Variants in CADPS2 observed in about 807,000 individuals in gnomAD.
CADPS2 encodes the protein calcium dependent secretion activator 2, also known as calcium-dependent secretion activator 2.
A neutral mutation model predicts 172.5 loss-of-function variants in CADPS2; 93 were observed. That is an observed-to-expected ratio of 0.54 (90% CI 0.46 to 0.64). CADPS2 has a LOEUF of 0.64. Ranked by LOEUF, CADPS2 falls within the 30% of genes least tolerant of loss-of-function variation. The pLI is 0.00. For synonymous variants in CADPS2, 546 were observed against 555.2 expected, an observed-to-expected ratio of 0.98 and a Z score of 0.23; for missense variants, 1,420 against 1,565.9, an observed-to-expected ratio of 0.91 and a Z score of 1.57.
intron 15 of CADPS2, among the ~76,000 whole-genome samples, chr7:122,445,982 C>CA (rs1223689613): frequency 3.9e-5 from 6 of 152,074 alleles, no homozygotes; most frequent in Admixed American, 6.6e-5. Flanking sequence ...TTTTCAGAAT[C>CA]AATGCACTAC....
rs192579570 is a variant in CADPS2 at position 122,805,288 on chromosome 7, T to C, written c.340-68220A>G. On this transcript the variant is annotated intron_variant, in intron 1 of 29. Coordinates refer to ENST00000449022, the MANE Select transcript of CADPS2 (RefSeq NM_017954.11). ...GATTCTCCTGCCTCAGCCTCCCTAG[T>C]AGCTGGGACTACAGGCACTTGCCAC... Among the ~76,000 whole-genome samples, 4 of 152,274 alleles carry C rather than the reference T, an allele frequency of 2.6e-5. No homozygotes were observed. The East Asian group carries it at 7.7e-4, about 29-fold the overall frequency.
At chr7:122,636,083 T>TTGAGACCA in intron 3 of CADPS2, among the ~76,000 whole-genome samples, 1 of 152,320 alleles carries the variant, frequency 6.6e-6, no homozygotes, top group East Asian at 1.9e-4. Context: ...AAGTGGGGTT[T>TTGAGACCA]TGAGACCATT....
At chr7:122,441,469 C>G in intron 16 of CADPS2, 43 bp downstream of exon 16, 3 of 1,334,354 alleles carry the variant, frequency 2.2e-6, no homozygotes, top group Non-Finnish European at 3.1e-6. Flanking sequence ...TACACAGCAA[C>G]TGAGAAAGCA....
intron 5 of CADPS2, among the ~76,000 whole-genome samples, chr7:122,615,780 T>C (rs1346689497): frequency 6.6e-6 from 1 of 152,122 alleles, no homozygotes; most frequent in Non-Finnish European, 1.5e-5. Flanking sequence ...ATTTTCTATA[T>C]TCACTTATTT....
At chr7:122,703,862 G>A (rs1228213375) in intron 2 of CADPS2, among the ~76,000 whole-genome samples, 2 of 152,158 alleles carry the variant, frequency 1.3e-5, no homozygotes, top group African/African-American at 4.8e-5. Flanking sequence ...AAGGACAGTA[G>A]TGGGAAGAGG....
chr7:122,373,216 T>C (rs546932179), intron 25 of CADPS2, among the ~76,000 whole-genome samples: 2 of 152,272 alleles, frequency 1.3e-5, no homozygotes, highest in East Asian at 3.9e-4. Context: ...AAGGTTTACA[T>C]GCCAGTCTGG....
chr7:122,437,743 T>A (rs1366032328), intron 17 of CADPS2, among the ~76,000 whole-genome samples: 2 of 151,936 alleles, frequency 1.3e-5, no homozygotes, highest in Non-Finnish European at 2.9e-5. Context: ...TTGCCACAAA[T>A]TCCAATCTAC....
intron 3 of CADPS2, among the ~76,000 whole-genome samples, chr7:122,630,399 T>C (rs1383810062): frequency 6.8e-6 from 1 of 147,972 alleles, no homozygotes; most frequent in Non-Finnish European, 1.5e-5. Context: ...AAGAGGAAGA[T>C]GTTCCTATAA....
intron 1 of CADPS2, among the ~76,000 whole-genome samples, chr7:122,866,823 T>G (rs1585030823): frequency 6.6e-6 from 1 of 152,132 alleles, no homozygotes; most frequent in African/African-American, 2.4e-5. Context: ...TTGAAAACCT[T>G]CCAACAGCTT....
At chr7:122,463,835 G>A (rs2054779667) in intron 14 of CADPS2, among the ~76,000 whole-genome samples, 1 of 152,104 alleles carries the variant, frequency 6.6e-6, no homozygotes, top group East Asian at 1.9e-4. Context: ...GTAAATGGAT[G>A]GTGGAAGTAA....
chr7:122,527,628 G>A (rs2061374601), intron 8 of CADPS2, among the ~76,000 whole-genome samples: 1 of 136,206 alleles, frequency 7.3e-6, no homozygotes, highest in Admixed American at 7.2e-5. Context: ...GTGTGTGTGT[G>A]TGTGTGTGTG....
At chr7:122,882,923 A>G (rs1823323053) in intron 1 of CADPS2, among the ~76,000 whole-genome samples, 1 of 152,136 alleles carries the variant, frequency 6.6e-6, no homozygotes. Flanking sequence ...ATGTTCATTT[A>G]GGAGGTGTAG....
intron 25 of CADPS2, 88 bp from the exon 26 acceptor site, chr7:122,361,101 A>G: frequency 9.1e-7 from 1 of 1,100,784 alleles, no homozygotes; most frequent in Non-Finnish European, 1.3e-6. Context: ...AATTTCTTCC[A>G]TCGCACAAAA....
intron 25 of CADPS2, among the ~76,000 whole-genome samples, chr7:122,370,293 A>G (rs923687207): frequency 5.9e-5 from 9 of 152,198 alleles, no homozygotes; most frequent in African/African-American, 2.2e-4. Flanking sequence ...TTTGCTTAGC[A>G]CTGTATCCCT....
chr7:122,862,878 CACTT>C (rs1817320103), intron 1 of CADPS2, among the ~76,000 whole-genome samples: 1 of 151,900 alleles, frequency 6.6e-6, no homozygotes, highest in African/African-American at 2.4e-5. Context: ...AGTATGTAAA[CACTT>C]AGATATAACT....
rs1316330905 is a variant in CADPS2, at chr7:122,803,532, G to A, written c.340-66464C>T. 2.0e-5 allele frequency among the ~76,000 whole-genome samples: 3 copies of A among 152,180 alleles called. No individual in the cohort carries two copies. In the East Asian group the frequency reaches 5.8e-4, roughly 29 times the overall value. ...TTTTCTATCAGAATCACATGAAAAT[G>A]TGACAAAGCCATAAATCACAGGAAA... On this transcript the variant is annotated intron_variant, in intron 1 of 29. Transcript: ENST00000449022.
chr7:122,535,732 C>G (rs2062199545), intron 8 of CADPS2, among the ~76,000 whole-genome samples: 1 of 151,888 alleles, frequency 6.6e-6, no homozygotes. Flanking sequence ...TGTTTTAAAG[C>G]CTAATGGCAA....
Position 122,585,977 on chromosome 7 carries a change from G to GTT in CADPS2, c.1224-4688_1224-4687insAA, listed in dbSNP as rs2069617074. Among the ~76,000 whole-genome samples, 3 of 151,982 alleles carry GTT rather than the reference G, an allele frequency of 2.0e-5. No homozygotes were observed. The South Asian group carries it at 6.2e-4, about 32-fold the overall frequency. On this transcript the variant is annotated intron_variant, in intron 6 of 29. Transcript: ENST00000449022. ...GTAAGTATTAAAAAGAGTCTAAGCA[G>GTT]AAACATTCATGACAGCATTATGTAT...
At chr7:122,821,213 C>A (rs1003467254) in intron 1 of CADPS2, among the ~76,000 whole-genome samples, 21 of 151,992 alleles carry the variant, frequency 1.4e-4, no homozygotes, top group African/African-American at 4.6e-4. Context: ...TGTTCCTCAC[C>A]CTGATCATGC....
Sources: allele counts gnomAD v4.1 joint callset (sites outside exome capture counted in the v4.1 genomes callset), GRCh38; gene constraint gnomAD v4.1.1; transcripts MANE v1.5; gene names NCBI Gene and HGNC (gene_info 2026-07-23, HGNC 2026-07-21).